Variants in NSRP1 observed in about 807,000 individuals in gnomAD.
The protein encoded by NSRP1 is nuclear speckle splicing regulatory protein 1, also known as coiled-coil domain containing 55.
Under a neutral mutation model 54.7 loss-of-function variants are expected in NSRP1, and 24 were observed. The observed-to-expected ratio is 0.44, with a 90% CI of 0.32 to 0.62. The LOEUF (loss-of-function observed/expected upper bound fraction) is 0.62. Among genes scored for constraint, NSRP1 ranks in the 20% least tolerant of loss-of-function variants. NSRP1 has a pLI of 0.06. For missense variants in NSRP1, 596 were observed against 651.2 expected (o/e 0.92, Z 0.92); for synonymous variants, 210 against 213.8 (o/e 0.98, Z 0.15).
chr17:30,161,127 C>A (rs924975566), intron 2 of NSRP1, among the ~76,000 whole-genome samples: 4 of 152,042 alleles, frequency 2.6e-5, no homozygotes, highest in Non-Finnish European at 4.4e-5. Context: ...AAGTAGATAA[C>A]CCCCCCATAC....
intron 2 of NSRP1, among the ~76,000 whole-genome samples, chr17:30,170,244 G>C (rs1360756923): frequency 1.3e-5 from 2 of 152,022 alleles, no homozygotes; most frequent in East Asian, 3.8e-4. Context: ...ACAATTATGG[G>C]ATATAGATGG....
chr17:30,146,565 C>G (rs1438782549), intron 2 of NSRP1, among the ~76,000 whole-genome samples: 1 of 152,092 alleles, frequency 6.6e-6, no homozygotes, highest in Non-Finnish European at 1.5e-5. Flanking sequence ...CCATTAATGT[C>G]CTGTGCCTTA....
At chr17:30,144,741 C>G (rs2071837901) in intron 2 of NSRP1, 1 of 152,192 alleles carries the variant, frequency 6.6e-6, no homozygotes, top group South Asian at 2.1e-4. Flanking sequence ...ATACAATACA[C>G]TTCTTTTTTG....
At chr17:30,158,177 GAT>G (rs1431561814) in intron 2 of NSRP1, among the ~76,000 whole-genome samples, 1 of 152,054 alleles carries the variant, frequency 6.6e-6, no homozygotes, top group African/African-American at 2.4e-5. Flanking sequence ...GCTGGGGTAA[GAT>G]ATCTTATTAT....
chr17:30,148,842 GTTACTTGCATCTCT>G (rs2071880675), intron 2 of NSRP1, among the ~76,000 whole-genome samples: 1 of 152,172 alleles, frequency 6.6e-6, no homozygotes, highest in Non-Finnish European at 1.5e-5. Context: ...TTCATCTACT[GTTACTTGCATCTCT>G]TTACTTTTCT....
intron 2 of NSRP1, among the ~76,000 whole-genome samples, chr17:30,142,541 A>G (rs1197411414): frequency 6.6e-6 from 1 of 150,882 alleles, no homozygotes; most frequent in Non-Finnish European, 1.5e-5. Flanking sequence ...TATGTTGCCC[A>G]GGCTGGTTTG....
intron 2 of NSRP1, among the ~76,000 whole-genome samples, chr17:30,129,868 T>C (rs1046929597): frequency 6.6e-6 from 1 of 152,192 alleles, no homozygotes; most frequent in Non-Finnish European, 1.5e-5. Flanking sequence ...ATTTGTGAAC[T>C]TTTCTCATAT....
chr17:30,183,277 T>C (rs1905380266), intron 6 of NSRP1, among the ~76,000 whole-genome samples: 1 of 151,334 alleles, frequency 6.6e-6, no homozygotes, highest in South Asian at 2.1e-4. Context: ...TCTGTGTTGC[T>C]AAGGAAGGGA....
Position 30,184,813 on chromosome 17 carries a change from C to T in NSRP1, c.816C>T (p.Val272=). Residue 272 remains valine, a synonymous_variant, in exon 7 of 7, where the codon GTC becomes GTT. Coordinates refer to ENST00000247026, the MANE Select transcript of NSRP1 (RefSeq NM_032141.4). The part of the protein sequence containing the change: ...ETRVNCRREK[V]IETPENDFKH... ...GAGTGAACTGCAGAAGGGAAAAGGT[C>T]ATAGAGACCCCTGAGAATGACTTCA... 1.9e-6 allele frequency: 3 copies of T among 1,614,000 alleles called. No homozygotes were observed. The African/African-American group carries it at 4.0e-5, about 22-fold the overall frequency.
At chr17:30,131,565 C>G (rs2071700323) in intron 2 of NSRP1, among the ~76,000 whole-genome samples, 1 of 152,048 alleles carries the variant, frequency 6.6e-6, no homozygotes, top group Non-Finnish European at 1.5e-5. Context: ...ATGCCTATAC[C>G]ATAATTTTAA....
At chr17:30,127,576 G>C (rs2071661784) in intron 2 of NSRP1, among the ~76,000 whole-genome samples, 1 of 151,950 alleles carries the variant, frequency 6.6e-6, no homozygotes, top group Non-Finnish European at 1.5e-5. Context: ...ACCACATCTG[G>C]CTAATTTGTT....
At chr17:30,142,770 C>T (rs935652979) in intron 2 of NSRP1, among the ~76,000 whole-genome samples, 8 of 152,066 alleles carry the variant, frequency 5.3e-5, no homozygotes, top group Non-Finnish European at 5.9e-5. Context: ...TGTCTCCATC[C>T]GACTTTGTTT....
chr17:30,177,911 G>C (rs1434565205), intron 3 of NSRP1, 160 bp from the exon 4 acceptor site: 1 of 842,868 alleles, frequency 1.2e-6, no homozygotes, highest in Admixed American at 2.1e-5. Flanking sequence ...TTCATACCCA[G>C]GCAGCCTGGC....
intron 2 of NSRP1, 61 bp downstream of exon 2, chr17:30,118,234 C>A (rs888762060): frequency 2.4e-6 from 3 of 1,267,110 alleles, no homozygotes; most frequent in African/African-American, 2.9e-5. Context: ...AAAAATTGAA[C>A]TTGTGACTCT....
chr17:30,120,714 T>G (rs560995636), intron 2 of NSRP1, among the ~76,000 whole-genome samples: 2 of 152,368 alleles, frequency 1.3e-5, no homozygotes, highest in East Asian at 3.9e-4. Context: ...GATGTATTAT[T>G]ATTCCCATTT....
chr17:30,159,352 T>C (rs1345606803), intron 2 of NSRP1, among the ~76,000 whole-genome samples: 1 of 150,462 alleles, frequency 6.6e-6, no homozygotes, highest in Non-Finnish European at 1.5e-5. Flanking sequence ...TTTTAAGAGG[T>C]TTTTTTTGTG....
intron 2 of NSRP1, among the ~76,000 whole-genome samples, chr17:30,145,383 G>A (rs2071844857): frequency 6.6e-6 from 1 of 152,196 alleles, no homozygotes; most frequent in Admixed American, 6.5e-5. Context: ...AAGAGGTTGA[G>A]ACCATTCTGG....
At chr17:30,178,253 T>A in intron 4 of NSRP1, 54 bp downstream of exon 4, 1 of 1,555,936 alleles carries the variant, frequency 6.4e-7, no homozygotes, top group South Asian at 1.2e-5. Context: ...ATTTTGTGTC[T>A]TAATCTTATT....
At chr17:30,182,773 A>T (rs1905356731) in intron 6 of NSRP1, among the ~76,000 whole-genome samples, 1 of 151,944 alleles carries the variant, frequency 6.6e-6, no homozygotes, top group Non-Finnish European at 1.5e-5. Flanking sequence ...TCTCTACTAA[A>T]AATACAAAAA....
Sources: allele counts gnomAD v4.1 joint callset (sites outside exome capture counted in the v4.1 genomes callset), GRCh38; gene constraint gnomAD v4.1.1; transcripts MANE v1.5; gene names NCBI Gene and HGNC (gene_info 2026-07-23, HGNC 2026-07-21).